Variants in ABCA13 observed in about 807,000 individuals in gnomAD.
ABCA13 encodes the protein ATP binding cassette subfamily A member 13, also known as ATP-binding cassette sub-family A member 13.
In ABCA13, 476 loss-of-function variants were observed where a neutral mutation model predicts 478.7. That is an observed-to-expected ratio of 0.99 (90% CI 0.92 to 1.07). The LOEUF (loss-of-function observed/expected upper bound fraction) is 1.07, where lower values mean the gene tolerates loss of function less well. ABCA13 is among the 50% of genes least tolerant of loss of function. ABCA13 has a pLI of 0.00. For synonymous variants in ABCA13, 2,252 were observed against 2,158.9 expected, an observed-to-expected ratio of 1.04 and a Z score of -1.20; for missense variants, 6,060 against 5,910.6, an observed-to-expected ratio of 1.03 and a Z score of -0.83.
chr7:48,197,772 A>G (rs929995429), intron 2 of ABCA13, among the ~76,000 whole-genome samples: 11 of 152,210 alleles, frequency 7.2e-5, no homozygotes, highest in African/African-American at 2.7e-4. Flanking sequence ...ATTATACAAT[A>G]TTTAACAACT....
intron 31 of ABCA13, among the ~76,000 whole-genome samples, chr7:48,367,496 A>G (rs952554018): frequency 7.9e-5 from 12 of 152,214 alleles, no homozygotes; most frequent in African/African-American, 2.9e-4. Flanking sequence ...TGGATTAATG[A>G]CCTGCTTTGC....
chr7:48,201,193 C>T (rs1379905639), intron 3 of ABCA13, among the ~76,000 whole-genome samples: 1 of 152,152 alleles, frequency 6.6e-6, no homozygotes, highest in African/African-American at 2.4e-5. Flanking sequence ...ATAGCAATGG[C>T]GGTTTCCGTG....
chr7:48,440,842 T>A (rs1346913346), intron 42 of ABCA13, among the ~76,000 whole-genome samples: 1 of 152,026 alleles, frequency 6.6e-6, no homozygotes, highest in Non-Finnish European at 1.5e-5. Flanking sequence ...ATAAAACACG[T>A]GCAATAAAAG....
rs77259882 is a variant in ABCA13 at position 48,257,248 on chromosome 7, C to G, written c.2005+7897C>G. Among the ~76,000 whole-genome samples, 663 of 152,130 alleles carry G rather than the reference C, an allele frequency of 4.4e-3. 20 individuals are homozygous for G. The East Asian group carries it at 0.071, about 16-fold the overall frequency. ...ATCTTGCAAACAAGGATAAAACTAT[C>G]CCTGTTTGGAGACTTCCTCTCTTCC... On this transcript the variant is annotated intron_variant, in intron 15 of 61. Coordinates refer to ENST00000435803, the MANE Select transcript of ABCA13 (RefSeq NM_152701.5).
intron 27 of ABCA13, among the ~76,000 whole-genome samples, chr7:48,333,823 G>A (rs978861138): frequency 6.6e-6 from 1 of 152,216 alleles, no homozygotes. Context: ...TGCATCAGGA[G>A]CCATCCTGCT....
At chr7:48,202,922 G>A (rs187073306) in intron 3 of ABCA13, among the ~76,000 whole-genome samples, 5,828 of 152,314 alleles carry the variant, frequency 0.038, 202 homozygotes, top group Admixed American at 0.11. Flanking sequence ...GCGCTCCTCA[G>A]CCCTTGGGCG....
chr7:48,379,863 G>T (rs1814076911), intron 35 of ABCA13, among the ~76,000 whole-genome samples: 1 of 152,180 alleles, frequency 6.6e-6, no homozygotes, highest in South Asian at 2.1e-4. Context: ...AATTCCCTTT[G>T]TTAACACATG....
intron 48 of ABCA13, among the ~76,000 whole-genome samples, chr7:48,489,588 A>G (rs755754737): frequency 2.0e-5 from 3 of 152,190 alleles, no homozygotes; most frequent in Non-Finnish European, 4.4e-5. Context: ...ACAAAATGTG[A>G]CTGGAGAGTT....
chr7:48,486,097 A>G (rs1829268886), intron 47 of ABCA13, among the ~76,000 whole-genome samples: 1 of 152,166 alleles, frequency 6.6e-6, no homozygotes, highest in Non-Finnish European at 1.5e-5. Flanking sequence ...TTTCTAACTG[A>G]GATCCACAAG....
At chr7:48,361,473 A>G (rs1009004251) in intron 31 of ABCA13, among the ~76,000 whole-genome samples, 8 of 151,654 alleles carry the variant, frequency 5.3e-5, no homozygotes, top group African/African-American at 1.9e-4. Context: ...TGTTTTCTCA[A>G]AGAACCCTAT....
intron 43 of ABCA13, among the ~76,000 whole-genome samples, chr7:48,464,422 T>C (rs1362270024): frequency 1.3e-5 from 2 of 152,232 alleles, no homozygotes; most frequent in South Asian, 2.1e-4. Flanking sequence ...AGGACAGTTG[T>C]AAACCATACG....
intron 34 of ABCA13, among the ~76,000 whole-genome samples, chr7:48,375,221 G>A (rs1342988281): frequency 6.6e-6 from 1 of 152,154 alleles, no homozygotes; most frequent in East Asian, 1.9e-4. Flanking sequence ...CCCCCGGTCT[G>A]TGGAAAAATT....
chr7:48,172,964 G>A (rs1208350985), intron 1 of ABCA13, among the ~76,000 whole-genome samples: 1 of 152,042 alleles, frequency 6.6e-6, no homozygotes, highest in Non-Finnish European at 1.5e-5. Flanking sequence ...TAGGGAATTA[G>A]CCTATTTTCC....
At chr7:48,261,237 G>T (rs1305888746) in intron 15 of ABCA13, among the ~76,000 whole-genome samples, 1 of 151,810 alleles carries the variant, frequency 6.6e-6, no homozygotes, top group African/African-American at 2.4e-5. Context: ...AAAAGTTTGG[G>T]AAGAACTTTA....
chr7:48,246,649 A>G (rs779922359), intron 13 of ABCA13, among the ~76,000 whole-genome samples: 3 of 152,180 alleles, frequency 2.0e-5, no homozygotes, highest in Non-Finnish European at 4.4e-5. Context: ...CAGTGAAATA[A>G]TGAAACTAGT....
At chr7:48,581,368 A>G (rs1227321590) in intron 56 of ABCA13, among the ~76,000 whole-genome samples, 1 of 152,090 alleles carries the variant, frequency 6.6e-6, no homozygotes, top group Non-Finnish European at 1.5e-5. Context: ...TCTGCACCTC[A>G]TTGTAAGGAC....
chr7:48,208,169 A>G (rs934613609), intron 3 of ABCA13, among the ~76,000 whole-genome samples: 1 of 152,036 alleles, frequency 6.6e-6, no homozygotes, highest in Admixed American at 6.6e-5. Context: ...TTTCATGCCA[A>G]TACTGTGCTG....
chr7:48,185,477 C>G (rs1796237692), intron 1 of ABCA13, among the ~76,000 whole-genome samples: 1 of 152,088 alleles, frequency 6.6e-6, no homozygotes, highest in Non-Finnish European at 1.5e-5. Flanking sequence ...AAACAAAAAC[C>G]TTTTGGAATT....
intron 59 of ABCA13, among the ~76,000 whole-genome samples, chr7:48,623,696 A>G (rs891940263): frequency 6.6e-6 from 1 of 152,214 alleles, no homozygotes; most frequent in African/African-American, 2.4e-5. Context: ...AGCACATGCC[A>G]ACTGTCTGTT....
Sources: allele counts gnomAD v4.1 joint callset (sites outside exome capture counted in the v4.1 genomes callset), GRCh38; gene constraint gnomAD v4.1.1; transcripts MANE v1.5; gene names NCBI Gene and HGNC (gene_info 2026-07-23, HGNC 2026-07-21).